TRPM7: variants seen among roughly 807,000 people sequenced by gnomAD.
TRPM7 encodes the protein transient receptor potential cation channel subfamily M member 7, also known as LTRPC ion channel family member 7.
TRPM7 carries 134 observed loss-of-function variants against 229.7 expected under a neutral mutation model. The observed-to-expected ratio is 0.58, with a 90% confidence interval of 0.51 to 0.67. TRPM7 has a LOEUF of 0.67. Ranked by LOEUF, TRPM7 falls within the 30% of genes least tolerant of loss-of-function variation. The pLI is 0.00. For synonymous variants in TRPM7, 699 were observed against 715.2 expected, an observed-to-expected ratio of 0.98 and a Z score of 0.36; for missense variants, 1,901 against 2,210.0, an observed-to-expected ratio of 0.86 and a Z score of 2.80.
In TRPM7 at chr15:50,580,895, T is replaced by G; in HGVS notation, c.4571A>C (p.Asp1524Ala). Residue 1524 changes from aspartate (D) to alanine (A), a missense_variant, in exon 30 of 39, where the codon GAT (aspartate) becomes GCT (alanine). By Grantham distance (126) the Asp-to-Ala change is moderately radical (BLOSUM62 -2). Transcript: ENST00000646667. ...KAALIPDWLQDRPSNREMPSE... is the reference protein window; with the variant it reads ...KAALIPDWLQARPSNREMPSE... ...TTACATTTCTCTGTTTGATGGTCTA[T>G]CTTGTAACCAATCCTTCAGTAAAAA... The G allele has an allele frequency of 6.3e-7, 1 of 1,586,106 alleles. No individual in the cohort carries two copies. Among genetic ancestry groups the G allele is most frequent in the Non-Finnish European group, 8.5e-7 (1 of 1,171,506 alleles).
Position 50,592,581 on chromosome 15 carries a change from G to T in TRPM7, c.3654C>A (p.Val1218=), listed in dbSNP as rs780439132. The T allele has an allele frequency of 3.6e-5, 58 of 1,605,888 alleles. No homozygotes were observed. The highest frequency in any genetic ancestry group is 4.5e-5 in the Non-Finnish European group (53 of 1,178,970). Residue 1218 remains valine, a synonymous_variant, in exon 26 of 39, where the codon GTC becomes GTA. Transcript: ENST00000646667. ...CIQIKEVGDR[V]NYIKRSLQSL... ...ATTGTAATGATCTTTTTATGTAGTT[G>T]ACACGATCTCCAACTTCTTTAATCT...
intron 14 of TRPM7, 103 bp downstream of exon 14, chr15:50,614,020 A>G (rs1219860524): frequency 2.9e-6 from 4 of 1,359,768 alleles, no homozygotes; most frequent in Non-Finnish European, 4.0e-6. Context: ...GTTCAACTTT[A>G]TGACAGTGTA....
intron 1 of TRPM7, among the ~76,000 whole-genome samples, chr15:50,680,547 T>A (rs1363604732): frequency 1.3e-5 from 2 of 150,244 alleles, no homozygotes; most frequent in Non-Finnish European, 3.0e-5. Flanking sequence ...CTAGCCTAAT[T>A]GACAGAGAGA....
chr15:50,613,309 C>T (rs903582887), intron 15 of TRPM7, among the ~76,000 whole-genome samples: 5 of 152,092 alleles, frequency 3.3e-5, no homozygotes, highest in African/African-American at 1.2e-4. Context: ...CGAGACCATA[C>T]TGGCCAACAT....
In TRPM7 at chr15:50,612,835, A is replaced by C. The variant is rs770232950; in HGVS notation, c.1771-6T>G. The C allele has an allele frequency of 6.2e-7, 1 of 1,604,640 alleles. No homozygotes were observed. Among genetic ancestry groups the C allele is most frequent in the Admixed American group, 1.7e-5 (1 of 58,640 alleles). On this transcript the variant is annotated splice_region_variant and splice_polypyrimidine_tract_variant and intron_variant, in intron 15 of 38. Coordinates refer to ENST00000646667, the MANE Select transcript of TRPM7 (RefSeq NM_017672.6). The stretch of plus-strand genomic sequence containing the variant: ...TCTTCCATAACTGTATCAATCTTCC[A>C]GGGAAAATAAAGTTATAAAGCTCAT...
In TRPM7 at chr15:50,621,256, AATAAAAGTTTCTTCTAAGTTAAT is replaced by A. The variant is rs1420403398; in HGVS notation, c.1441-1481_1441-1459del. 3.9e-5 allele frequency among the ~76,000 whole-genome samples: 6 copies of A among 152,104 alleles called. No homozygotes were observed. The East Asian group carries it at 1.2e-3, about 29-fold the overall frequency. ...TCTCCCCCACAGGTGAACTTTTTAA[AATAAAAGTTTCTTCTAAGTTAAT>A]AAGACGTATCTCATATTTTGGGGGT... On this transcript the variant is annotated intron_variant, in intron 12 of 38. Coordinates refer to ENST00000646667, the MANE Select transcript of TRPM7 (RefSeq NM_017672.6).
intron 1 of TRPM7, among the ~76,000 whole-genome samples, chr15:50,678,473 C>T (rs1231721335): frequency 6.8e-6 from 1 of 146,322 alleles, no homozygotes; most frequent in Non-Finnish European, 1.5e-5. Flanking sequence ...CTTTCTGACA[C>T]TCTTACAGAC....
chr15:50,655,560 T>C (rs1200686225), intron 3 of TRPM7, among the ~76,000 whole-genome samples: 1 of 151,532 alleles, frequency 6.6e-6, no homozygotes, highest in Non-Finnish European at 1.5e-5. Flanking sequence ...GACATGCTGC[T>C]GAAAACCAAA....
At chr15:50,641,216 C>T (rs566318009) in intron 5 of TRPM7, among the ~76,000 whole-genome samples, 39 of 151,350 alleles carry the variant, frequency 2.6e-4, no homozygotes, top group Non-Finnish European at 5.0e-4. Flanking sequence ...AGCCAAAATG[C>T]TTATAACGGT....
chr15:50,626,474 T>C (rs550556423), intron 11 of TRPM7, among the ~76,000 whole-genome samples: 8 of 152,122 alleles, frequency 5.3e-5, no homozygotes, highest in South Asian at 4.1e-4. Flanking sequence ...TCAATGCATA[T>C]TGAACTCCTG....
At chr15:50,650,333 A>C (rs2061388890) in intron 3 of TRPM7, among the ~76,000 whole-genome samples, 1 of 152,110 alleles carries the variant, frequency 6.6e-6, no homozygotes, top group South Asian at 2.1e-4. Flanking sequence ...CAGAGTAGAG[A>C]TCTCATAACA....
At chr15:50,592,738 C>G (rs1469299369) in intron 25 of TRPM7, 112 bp from the exon 26 acceptor site, 1 of 708,350 alleles carries the variant, frequency 1.4e-6, no homozygotes, top group Non-Finnish European at 2.3e-6. Context: ...TGCATTTAAA[C>G]AAGATATAAA....
At position 50,588,157 on chromosome 15, in the gene TRPM7, T is replaced by C. The variant is rs1400253146; in HGVS notation, c.4389+1435A>G. Reference sequence around the variant, plus strand: ...GCACATGGGTATATTTTAAGCTGACTTTCTGACTTCTGCATATACTAAAGA... The same window carrying C: ...GCACATGGGTATATTTTAAGCTGACCTTCTGACTTCTGCATATACTAAAGA... On this transcript the variant is annotated intron_variant, in intron 27 of 38. Coordinates refer to ENST00000646667, the MANE Select transcript of TRPM7 (RefSeq NM_017672.6). The C allele has an allele frequency of 6.4e-6, 6 of 940,204 alleles. No individual in the cohort carries two copies. In the African/African-American group the frequency reaches 8.9e-5, roughly 14 times the overall value. The allele number at this position is 940,204 out of a possible 1,614,324, so 58.2% of individuals were successfully genotyped here.
intron 3 of TRPM7, among the ~76,000 whole-genome samples, chr15:50,653,267 A>C (rs990104502): frequency 6.6e-6 from 1 of 152,238 alleles, no homozygotes; most frequent in African/African-American, 2.4e-5. Context: ...CCTTGGCAAT[A>C]TAGTGAGACC....
intron 4 of TRPM7, among the ~76,000 whole-genome samples, chr15:50,647,278 G>A (rs968964831): frequency 2.6e-5 from 4 of 151,974 alleles, no homozygotes; most frequent in South Asian, 2.1e-4. Flanking sequence ...CTACAGGCTC[G>A]TGCCACCACG....
intron 1 of TRPM7, 86 bp from the exon 2 acceptor site, chr15:50,663,132 TC>T: frequency 9.6e-7 from 1 of 1,045,468 alleles, no homozygotes; most frequent in Non-Finnish European, 1.4e-6. Context: ...CATAAACAGT[TC>T]TTTTTTTTTT....
Position 50,574,961 on chromosome 15 carries a change from T to C in TRPM7, c.4910A>G (p.Asp1637Gly), listed in dbSNP as rs774786972. Residue 1637 changes from aspartate (D) to glycine (G), a missense_variant, in exon 34 of 39, where the codon GAT becomes GGT. Asp to Gly is a moderately conservative substitution (Grantham distance 94). Around this residue, in one of 8 missense-constraint regions of TRPM7, gnomAD observed 257 missense variants for 352.0 expected, o/e 0.73. Coordinates refer to ENST00000646667, the MANE Select transcript of TRPM7 (RefSeq NM_017672.6). ...ATAAAGATGCCCTGATTTGAGGATA[T>C]CATGTTCTGACCAGGTACACTGTAC... ...VKVQCTWSEH[D>G]ILKSGHLYII... is the part of the protein sequence containing the mutation. 1.2e-6 allele frequency: 2 copies of C among 1,614,158 alleles called. No individual in the cohort carries two copies. Among genetic ancestry groups the C allele is most frequent in the South Asian group, 2.2e-5 (2 of 91,082 alleles).
rs371056219 is a variant in TRPM7 at position 50,561,633 on chromosome 15, T to C, written c.*45A>G. 8.2e-5 allele frequency: 131 copies of C among 1,594,746 alleles called. No homozygotes were observed. Among genetic ancestry groups the C allele is most frequent in the Non-Finnish European group, 9.8e-5 (115 of 1,174,216 alleles). On this transcript the variant is annotated 3_prime_UTR_variant, in exon 39 of 39. Transcript: ENST00000646667. Reference sequence around the variant, plus strand: ...CCGAGGGAAAAGTGACACAGTAACATTTCTGTGAGGTGCAGGCAAAACCAA... The same window carrying C: ...CCGAGGGAAAAGTGACACAGTAACACTTCTGTGAGGTGCAGGCAAAACCAA...
rs1481046920 is a variant in TRPM7, at chr15:50,594,900, A to C, written c.3291-287T>G. On this transcript the variant is annotated intron_variant, in intron 23 of 38. Coordinates refer to ENST00000646667, the MANE Select transcript of TRPM7 (RefSeq NM_017672.6). ...CTTATTAGTAATCAAGTAAGTGCAA[A>C]TTTTAAAAAACAAAATCCTGGCTGG... Among the ~76,000 whole-genome samples the C allele has an allele frequency of 2.0e-5, 3 of 152,188 alleles. No homozygotes were observed. In the East Asian group the frequency reaches 5.8e-4, roughly 29 times the overall value.
Sources: allele counts gnomAD v4.1 joint callset (sites outside exome capture counted in the v4.1 genomes callset), GRCh38; gene constraint gnomAD v4.1.1; regional missense constraint gnomAD v4.1.1; transcripts MANE v1.5; gene names NCBI Gene and HGNC (gene_info 2026-07-23, HGNC 2026-07-21).